ZNF236: variants seen among roughly 807,000 people sequenced by gnomAD.
The protein encoded by ZNF236 is regulated by glucose.
Under a neutral mutation model 191.2 loss-of-function variants are expected in ZNF236, and 50 were observed. The ratio of observed to expected loss-of-function variants is 0.26; its 90% CI spans 0.21 to 0.33. The LOEUF is 0.33. Ranked by LOEUF, ZNF236 falls within the 10% of genes least tolerant of loss-of-function variation. ZNF236 has a pLI of 1.00. For synonymous variants in ZNF236, 907 were observed against 928.8 expected (o/e 0.98, Z 0.43); for missense variants, 1,754 against 2,374.5 (o/e 0.74, Z 5.43).
intron 3 of ZNF236, 49 bp from the exon 4 acceptor site, chr18:76,868,636 A>C (rs1290113438): frequency 1.8e-5 from 26 of 1,481,984 alleles, no homozygotes; most frequent in Non-Finnish European, 2.1e-5. Flanking sequence ...TCTTTGAAGG[A>C]GTGGTTTTGA....
rs754696314 is a variant in ZNF236, at chr18:76,899,106, A to G, written c.1778A>G (p.His593Arg). The G allele has an allele frequency of 1.2e-5, 19 of 1,614,084 alleles. No homozygotes were observed. The highest frequency in any genetic ancestry group is 1.6e-5 in the Non-Finnish European group (19 of 1,180,038). Residue 593 changes from histidine (H) to arginine (R), a missense_variant, in exon 11 of 31, where the codon CAT (histidine) becomes CGT (arginine). Transcript: ENST00000320610. ...RKTHIASHFKHTELRKMRHQR... is the reference protein window; with the variant it reads ...RKTHIASHFKRTELRKMRHQR... The stretch of plus-strand genomic sequence containing the variant: ...ACTCACATTGCTTCCCACTTTAAAC[A>G]TACGGAATTAAGGAAAATGAGGCAC...
intron 1 of ZNF236, among the ~76,000 whole-genome samples, chr18:76,835,672 C>A (rs1355150796): frequency 6.6e-6 from 1 of 152,012 alleles, no homozygotes; most frequent in Non-Finnish European, 1.5e-5. Flanking sequence ...GTCTTTCTAT[C>A]CTTATATGTA....
intron 1 of ZNF236, among the ~76,000 whole-genome samples, chr18:76,838,104 C>T (rs773391534): frequency 1.3e-5 from 2 of 152,208 alleles, no homozygotes; most frequent in African/African-American, 4.8e-5. Context: ...CTCATCATCA[C>T]ATTTATCAGC....
At chr18:76,914,334 A>C (rs1967298872) in intron 18 of ZNF236, among the ~76,000 whole-genome samples, 1 of 152,214 alleles carries the variant, frequency 6.6e-6, no homozygotes. Context: ...GGTGATGGAC[A>C]TTGGAGTTAT....
In ZNF236 at chr18:76,908,476, C is replaced by G; in HGVS notation, c.2454C>G (p.Pro818=). The change falls in exon 14 of 31, where the codon CCC becomes CCG. Residue 818 remains proline, a synonymous_variant. Transcript: ENST00000320610. The part of the protein sequence containing the change: ...PQTAEVVAAN[P]EAMLDLEPQH... The stretch of plus-strand genomic sequence containing the variant: ...CGGCAGAGGTGGTCGCAGCGAACCC[C>G]GAGGCCATGCTGGACCTGGAGCCTC... 6.2e-7 allele frequency: 1 copy of G among 1,614,152 alleles called. No homozygotes were observed. Among genetic ancestry groups the G allele is most frequent in the South Asian group, 1.1e-5 (1 of 91,082 alleles).
chr18:76,843,803 A>AAAAG (rs71172383), intron 1 of ZNF236, among the ~76,000 whole-genome samples: 6,555 of 61,814 alleles, frequency 0.11, 2,313 homozygotes, highest in East Asian at 0.15. Flanking sequence ...AAAAAAAAAA[A>AAAAG]AAGTAAAGAA....
At position 76,923,413 on chromosome 18, in the gene ZNF236, A is replaced by G. The variant is rs191660053; in HGVS notation, c.3661+239A>G. ...AGTTGAATTTTTCTTAAAAATTGTC[A>G]CGTATTCTTACTCATGCTTAAATAA... is the stretch of plus-strand genomic sequence containing the variant. On this transcript the variant is annotated intron_variant, in intron 21 of 30. Coordinates refer to ENST00000320610, the MANE Select transcript of ZNF236 (RefSeq NM_001306089.2). 2.6e-5 allele frequency among the ~76,000 whole-genome samples: 4 copies of G among 152,352 alleles called. No homozygotes were observed. In the East Asian group the frequency reaches 7.7e-4, roughly 29 times the overall value.
chr18:76,882,999 C>G (rs190253174), intron 9 of ZNF236, among the ~76,000 whole-genome samples: 1 of 152,332 alleles, frequency 6.6e-6, no homozygotes, highest in Admixed American at 6.5e-5. Flanking sequence ...GGGCAGCAAG[C>G]CACTGAGTGA....
intron 28 of ZNF236, 49 bp from the exon 29 acceptor site, chr18:76,959,638 C>T (rs373283603): frequency 2.8e-5 from 43 of 1,557,578 alleles, no homozygotes; most frequent in African/African-American, 9.6e-5. Flanking sequence ...TTTCTAGTCT[C>T]GAAAGCTGTT....
chr18:76,866,394 G>T (rs1976403819), intron 3 of ZNF236, among the ~76,000 whole-genome samples: 2 of 152,160 alleles, frequency 1.3e-5, no homozygotes, highest in Non-Finnish European at 2.9e-5. Context: ...TGGCTTCTGA[G>T]AAGGCCAGGA....
intron 18 of ZNF236, 137 bp downstream of exon 18, chr18:76,914,035 A>G: frequency 2.2e-6 from 2 of 924,692 alleles, no homozygotes; most frequent in South Asian, 2.1e-5. Context: ...GAGTTCTGCA[A>G]CCATCAAAAC....
intron 1 of ZNF236, among the ~76,000 whole-genome samples, chr18:76,825,252 A>G (rs956370394): frequency 6.6e-6 from 1 of 152,186 alleles, no homozygotes; most frequent in Non-Finnish European, 1.5e-5. Flanking sequence ...TCCCTTCTGA[A>G]CACCAGTCCT....
At chr18:76,837,127 T>A (rs28778001) in intron 1 of ZNF236, among the ~76,000 whole-genome samples, 1 of 37,066 alleles carries the variant, frequency 2.7e-5, no homozygotes. Context: ...CCGCACCCCC[T>A]CCCCCCCCCC....
chr18:76,972,596 A>C lies in ZNF236; in HGVS notation c.*4257A>C, dbSNP rs536760369. 6.6e-6 allele frequency among the ~76,000 whole-genome samples: 1 copy of C among 152,152 alleles called. No individual in the cohort carries two copies. The highest frequency in any genetic ancestry group is 1.5e-5 in the Non-Finnish European group (1 of 67,978). On this transcript the variant is annotated 3_prime_UTR_variant, in exon 31 of 31. Transcript: ENST00000320610. ...ACAGGCAGTCAGAAGAGATTTTTCT[A>C]TTTAATCTTTTATGTGTAACACTTT... is the stretch of plus-strand genomic sequence containing the variant.
intron 5 of ZNF236, among the ~76,000 whole-genome samples, chr18:76,874,871 G>A (rs963654710): frequency 6.6e-6 from 1 of 152,236 alleles, no homozygotes; most frequent in Non-Finnish European, 1.5e-5. Context: ...CAGCTGGTGT[G>A]CGAAGCACTG....
intron 1 of ZNF236, among the ~76,000 whole-genome samples, chr18:76,830,316 A>G (rs141819304): frequency 5.9e-5 from 9 of 152,288 alleles, no homozygotes; most frequent in African/African-American, 2.2e-4. Context: ...ATAGTATTAC[A>G]TTATATGAAC....
In ZNF236 at chr18:76,960,547, C is replaced by A. The variant is rs1968641753; in HGVS notation, c.5243-132C>A. ...CCTATGGCTCCTCCAGCCCTTTGTT[C>A]AGATGACAGCCAGGCTGAAAGCCTA... On this transcript the variant is annotated intron_variant, in intron 29 of 30. Transcript: ENST00000320610. The surrounding 1 kb of genome is among the most constrained non-coding windows in gnomAD (Gnocchi z 4.4). The A allele has an allele frequency of 2.2e-5, 27 of 1,207,748 alleles. No individual in the cohort carries two copies. The South Asian group carries it at 3.3e-4, about 15-fold the overall frequency. 74.8% of individuals were successfully genotyped at this position (1,207,748 alleles called of 1,614,324 possible).
intron 30 of ZNF236, among the ~76,000 whole-genome samples, chr18:76,964,912 A>G (rs1017024922): frequency 6.6e-6 from 1 of 152,118 alleles, no homozygotes; most frequent in African/African-American, 2.4e-5. Context: ...TGCTTCTTGT[A>G]TTTGGATGTC....
At chr18:76,895,955 C>T (rs1977392817) in intron 10 of ZNF236, among the ~76,000 whole-genome samples, 1 of 152,162 alleles carries the variant, frequency 6.6e-6, no homozygotes, top group Non-Finnish European at 1.5e-5. Flanking sequence ...CAGTACCACA[C>T]ACAAGTATGG....
Sources: allele counts gnomAD v4.1 joint callset (sites outside exome capture counted in the v4.1 genomes callset), GRCh38; gene constraint gnomAD v4.1.1; non-coding constraint Gnocchi (gnomAD v3.1); transcripts MANE v1.5; gene names NCBI Gene and HGNC (gene_info 2026-07-23, HGNC 2026-07-21).